Variants in FAM83G observed in about 807,000 individuals in gnomAD.
FAM83G encodes the protein scaffolding CK1 anchoring protein G.
A neutral mutation model predicts 61.5 loss-of-function variants in FAM83G; 38 were observed. The ratio of observed to expected loss-of-function variants is 0.62; its 90% CI spans 0.48 to 0.81. The LOEUF (loss-of-function observed/expected upper bound fraction) is 0.81. Among genes scored for constraint, FAM83G ranks in the 30% least tolerant of loss-of-function variants. The pLI is 0.00. For synonymous variants in FAM83G, 470 were observed against 476.1 expected, an observed-to-expected ratio of 0.99 and a Z score of 0.17; for missense variants, 989 against 1,133.6, an observed-to-expected ratio of 0.87 and a Z score of 1.83.
Position 18,977,621 on chromosome 17 carries a change from C to T in FAM83G, c.2045G>A (p.Arg682Lys), listed in dbSNP as rs761856215. 1 of 1,609,626 alleles carries T rather than the reference C, an allele frequency of 6.2e-7. No homozygotes were observed. Among genetic ancestry groups the T allele is most frequent in the South Asian group, 1.1e-5 (1 of 91,078 alleles). Residue 682 changes from arginine (R) to lysine (K), a missense_variant, in exon 5 of 6, where the codon AGG becomes AAG. By Grantham distance (26) the Arg-to-Lys change is conservative (BLOSUM62 2). Transcript: ENST00000388995. ...RGREEADALK[R>K]MQAQRSTDKE... ...GTCTGTGGAGCGCTGGGCCTGCATC[C>T]TCTTCAACGCATCTGCTTCTTCTCT...
chr17:18,995,101 A>G (rs538868840), intron 2 of FAM83G, among the ~76,000 whole-genome samples: 16 of 152,302 alleles, frequency 1.1e-4, no homozygotes, highest in Admixed American at 5.9e-4. Context: ...AAAATCCAAC[A>G]TGCCCGGTAT....
intron 2 of FAM83G, among the ~76,000 whole-genome samples, chr17:18,999,034 C>T (rs1439764240): frequency 1.3e-5 from 2 of 152,228 alleles, no homozygotes; most frequent in East Asian, 3.9e-4. Flanking sequence ...AATCCCAGCA[C>T]TTTGGGAGGC....
At chr17:18,985,893 C>T (rs2043257509) in intron 3 of FAM83G, among the ~76,000 whole-genome samples, 1 of 152,232 alleles carries the variant, frequency 6.6e-6, no homozygotes, top group South Asian at 2.1e-4. Context: ...TACCCAAGCC[C>T]CTACCCCAGC....
Position 18,969,035 on chromosome 17 carries a change from GCTCT to G in FAM83G, c.*2320_*2323del, listed in dbSNP as rs752247324. 1 of 1,607,004 alleles carries G rather than the reference GCTCT, an allele frequency of 6.2e-7. No individual in the cohort carries two copies. Among genetic ancestry groups the G allele is most frequent in the Non-Finnish European group, 8.5e-7 (1 of 1,176,746 alleles). ...CCTGGGAATAACAGTCCCACACAAG[GCTCT>G]CTCCCTCCGCAGCTGGACCTGTACG... On this transcript the variant is annotated 3_prime_UTR_variant, in exon 6 of 6. Coordinates refer to ENST00000388995, the MANE Select transcript of FAM83G (RefSeq NM_001039999.3).
rs1051022447 is a variant in FAM83G, at chr17:18,970,286, T to C, written c.*1073A>G. ...CTCCCTCTCAGACCAGGGGCTCTAG[T>C]GTCCCTGGGACCCACCGCATGAGAG... is the stretch of plus-strand genomic sequence containing the variant. On this transcript the variant is annotated 3_prime_UTR_variant, in exon 6 of 6. Coordinates refer to ENST00000388995, the MANE Select transcript of FAM83G (RefSeq NM_001039999.3). 10 of 152,348 alleles carry C rather than the reference T, an allele frequency of 6.6e-5. No individual in the cohort carries two copies. The highest frequency in any genetic ancestry group is 1.9e-4 in the African/African-American group (8 of 41,460). 9.4% of individuals were successfully genotyped at this position (152,348 alleles called of 1,614,324 possible).
chr17:18,973,504 G>A (rs1310876941), intron 5 of FAM83G, among the ~76,000 whole-genome samples: 3 of 152,174 alleles, frequency 2.0e-5, no homozygotes, highest in African/African-American at 7.2e-5. Context: ...GGTGGATGCG[G>A]GGCCTCGGTC....
At chr17:18,983,725 C>T (rs2043195165) in intron 3 of FAM83G, among the ~76,000 whole-genome samples, 1 of 152,190 alleles carries the variant, frequency 6.6e-6, no homozygotes. Flanking sequence ...GGGTGGTCAA[C>T]ACTCACCCTG....
In FAM83G at chr17:18,978,699, G is replaced by T. The variant is rs768473258; in HGVS notation, c.967C>A (p.Pro323Thr). 1 of 1,612,872 alleles carries T rather than the reference G, an allele frequency of 6.2e-7. No homozygotes were observed. Among genetic ancestry groups the T allele is most frequent in the African/African-American group, 1.3e-5 (1 of 74,910 alleles). The stretch of plus-strand genomic sequence containing the variant: ...ACAGAGGGCAGCACAATAGGCTCCG[G>T]CTCCGGTTCCTTCTCCATAGGGATG... ...KGIPMEKEPE[P>T]EPIVLPSVVP... Residue 323 changes from proline to threonine, a missense_variant, in exon 5 of 6, where the codon CCG becomes ACG. By Grantham distance (38) the Pro-to-Thr change is conservative (BLOSUM62 -1). Around this residue, in one of 3 missense-constraint regions of FAM83G, gnomAD observed 44 missense variants for 83.9 expected, o/e 0.52. Coordinates refer to ENST00000388995, the MANE Select transcript of FAM83G (RefSeq NM_001039999.3).
chr17:18,976,010 A>C (rs1034749863), intron 5 of FAM83G: 6 of 151,398 alleles, frequency 4.0e-5, no homozygotes, highest in Admixed American at 6.6e-5. Context: ...ACAAGGTGAA[A>C]CCTCGTCTCT....
Position 18,969,603 on chromosome 17 carries a change from C to A in FAM83G, c.*1756G>T, listed in dbSNP as rs868797456. The A allele has an allele frequency of 3.5e-6, 2 of 570,794 alleles. No individual in the cohort carries two copies. 35.4% of individuals were successfully genotyped at this position (570,794 alleles called of 1,614,324 possible). On this transcript the variant is annotated 3_prime_UTR_variant, in exon 6 of 6. Coordinates refer to ENST00000388995, the MANE Select transcript of FAM83G (RefSeq NM_001039999.3). ...AGCCCCCCTGCTGGCCCCTCAGGGA[C>A]TGCCCTGGCTGGTAGAGGCTACCCA...
rs562003596 is a variant in FAM83G at position 19,003,463 on chromosome 17, G to A, written c.522+57C>T. On this transcript the variant is annotated intron_variant, in intron 2 of 5. Transcript: ENST00000388995. This position sits in a 1 kb window ranked among gnomAD's most constrained non-coding sequence, Gnocchi z 4.5. ...TTTGGGCTCTGAGTGAGCCTGTATTGAGAGGGGTCCGGTGGCTGGTTGGGC... is the reference window on the plus strand; with the variant it reads ...TTTGGGCTCTGAGTGAGCCTGTATTAAGAGGGGTCCGGTGGCTGGTTGGGC... 2.0e-6 allele frequency: 3 copies of A among 1,493,670 alleles called. No individual in the cohort carries two copies. The African/African-American group carries it at 4.2e-5, about 21-fold the overall frequency. The allele number at this position is 1,493,670 out of a possible 1,614,324, so 92.5% of individuals were successfully genotyped here. A position where few individuals can be genotyped will look rare whatever the true frequency, so the allele number is the denominator to read the frequency against.
upstream of FAM83G, among the ~76,000 whole-genome samples, chr17:19,006,092 TTCTGCAGTTGATGA>T (rs1344249117): frequency 6.6e-6 from 1 of 152,160 alleles, no homozygotes; most frequent in Non-Finnish European, 1.5e-5. Flanking sequence ...ACCCCAACAC[TTCTGCAGTTGATGA>T]GCAGGAAGGT....
rs1209589093 is a variant in FAM83G, at chr17:18,979,650, C to G, written c.714G>C (p.Gly238=). 17 of 1,613,476 alleles carry G rather than the reference C, an allele frequency of 1.1e-5. No individual in the cohort carries two copies. Among genetic ancestry groups the G allele is most frequent in the Non-Finnish European group, 1.4e-5 (16 of 1,179,990 alleles). The part of the protein sequence containing the change: ...HLKNLRVRSS[G]GTEFFTRSAT... The stretch of plus-strand genomic sequence containing the variant: ...CCGACCGCGTGAAGAACTCAGTTCC[C>G]CCGCTGCTCCGCACTCTGAGATTCT... The change falls in exon 4 of 6, where the codon GGG becomes GGC. Residue 238 remains glycine (G), a synonymous_variant. Transcript: ENST00000388995.
Position 18,978,527 on chromosome 17 carries a change from G to A in FAM83G, c.1139C>T (p.Ala380Val), listed in dbSNP as rs761977884. 10 of 1,613,210 alleles carry A rather than the reference G, an allele frequency of 6.2e-6. No individual in the cohort carries two copies. Among genetic ancestry groups the A allele is most frequent in the Non-Finnish European group, 8.5e-6 (10 of 1,179,986 alleles). ...GAGTTCCCCTGGATGCTCAGCCAGC[G>A]CTGGGCCTTTCAGCCCCAGGGGCTT... ...AKKPLGLKGP[A>V]LAEHPGELPE... Residue 380 changes from alanine to valine, a missense_variant, in exon 5 of 6, where the codon GCG (alanine) becomes GTG (valine). Ala to Val is a moderately conservative substitution (Grantham distance 64). Coordinates refer to ENST00000388995, the MANE Select transcript of FAM83G (RefSeq NM_001039999.3).
Position 19,003,772 on chromosome 17 carries a change from G to A in FAM83G, c.270C>T (p.Pro90=), listed in dbSNP as rs753257117. 1.9e-6 allele frequency: 3 copies of A among 1,609,880 alleles called. No homozygotes were observed. The highest frequency in any genetic ancestry group is 1.1e-5 in the South Asian group (1 of 90,954). ...CGCCGTCGCCGACCCCATTGTCCTC[G>A]GGCCCCTGAGAGGGGCCCGTGCCCC... The part of the protein sequence containing the change: ...DPRGTGPSQG[P]EDNGVGDGEE... Residue 90 remains proline, a synonymous_variant, in exon 2 of 6, where the codon CCC becomes CCT. Transcript: ENST00000388995. This position sits in a 1 kb window ranked among gnomAD's most constrained non-coding sequence, Gnocchi z 4.5.
chr17:18,997,945 G>T (rs1460030539), intron 2 of FAM83G, among the ~76,000 whole-genome samples: 1 of 152,204 alleles, frequency 6.6e-6, no homozygotes, highest in South Asian at 2.1e-4. Flanking sequence ...GCACTACCAT[G>T]ACACTGAGGA....
Position 18,971,096 on chromosome 17 carries a change from T to A in FAM83G, c.*263A>T, listed in dbSNP as rs757377168. On this transcript the variant is annotated 3_prime_UTR_variant, in exon 6 of 6. Transcript: ENST00000388995. This position sits in a 1 kb window ranked among gnomAD's most constrained non-coding sequence, Gnocchi z 5.5. ...CTCCAGGACCATTGCCAACACCACC[T>A]GCCACCTGCCACGTACAGACGCCAT... 6.2e-7 allele frequency: 1 copy of A among 1,614,062 alleles called. No homozygotes were observed. The highest frequency in any genetic ancestry group is 8.5e-7 in the Non-Finnish European group (1 of 1,180,030).
At position 18,971,958 on chromosome 17, in the gene FAM83G, G is replaced by A. The variant is rs921554048; in HGVS notation, c.2083-210C>T. On this transcript the variant is annotated intron_variant, in intron 5 of 5. Transcript: ENST00000388995. The surrounding 1 kb of genome is among the most constrained non-coding windows in gnomAD (Gnocchi z 5.5). ...TATGGGAATAATCCTGCCCTTTGTG[G>A]GTGTAGCAAGGCAGCTTCCTCCCAG... Among the ~76,000 whole-genome samples the A allele has an allele frequency of 6.6e-6, 1 of 152,182 alleles. No individual in the cohort carries two copies. The highest frequency in any genetic ancestry group is 1.9e-4 in the East Asian group (1 of 5,186).
chr17:18,973,841 G>A (rs2042912904), intron 5 of FAM83G, among the ~76,000 whole-genome samples: 1 of 151,190 alleles, frequency 6.6e-6, no homozygotes, highest in African/African-American at 2.4e-5. Context: ...GGGACTACAG[G>A]CATGTGCCAC....
Sources: allele counts gnomAD v4.1 joint callset (sites outside exome capture counted in the v4.1 genomes callset), GRCh38; gene constraint gnomAD v4.1.1; regional missense constraint gnomAD v4.1.1; non-coding constraint Gnocchi (gnomAD v3.1); transcripts MANE v1.5; gene names NCBI Gene and HGNC (gene_info 2026-07-23, HGNC 2026-07-21).